PEAK1: variants seen among roughly 807,000 people sequenced by gnomAD.
PEAK1 encodes inactive tyrosine-protein kinase PEAK1.
In PEAK1, 54 loss-of-function variants were observed where a neutral mutation model predicts 124.7. The observed-to-expected ratio is 0.43, with a 90% CI of 0.35 to 0.54. PEAK1 has a LOEUF of 0.54. Among genes scored for constraint, PEAK1 ranks in the 20% least tolerant of loss-of-function variants. The probability of loss-of-function intolerance (pLI) is 0.01; values close to 1 mark genes in which losing one functional copy is unlikely to be tolerated. For missense variants in PEAK1, 2,046 were observed against 2,134.5 expected, an observed-to-expected ratio of 0.96 and a Z score of 0.82; for synonymous variants, 719 against 760.0, an observed-to-expected ratio of 0.95 and a Z score of 0.89.
rs565481924 is a variant in PEAK1, at chr15:77,181,225, C to T, written c.702G>A (p.Glu234=). 5.6e-6 allele frequency: 9 copies of T among 1,613,980 alleles called. No homozygotes were observed. The highest frequency in any genetic ancestry group is 1.1e-5 in the South Asian group (1 of 91,078). Residue 234 remains glutamate, a synonymous_variant, in exon 7 of 10, where the codon GAG becomes GAA. Coordinates refer to ENST00000682557, the MANE Select transcript of PEAK1 (RefSeq NM_001385026.1). Reference sequence around the variant, plus strand: ...TGAAAAGTACATCCTCTTCACTCTCCTCGCCACTGGAAAACTCTGGGTAAC... The same window carrying T: ...TGAAAAGTACATCCTCTTCACTCTCTTCGCCACTGGAAAACTCTGGGTAAC... ...RFCYPEFSSG[E]ESEEDVLFSN...
chr15:77,293,582 G>A (rs1222072843), intron 2 of PEAK1, among the ~76,000 whole-genome samples: 2 of 152,156 alleles, frequency 1.3e-5, no homozygotes, highest in South Asian at 2.1e-4. Context: ...CGCTGGCCAC[G>A]TTAGTCAGTC....
chr15:77,323,894 C>T, intron 2 of PEAK1, among the ~76,000 whole-genome samples: 1 of 152,132 alleles, frequency 6.6e-6, no homozygotes. Flanking sequence ...TACTACAAGG[C>T]TACAGTTACC....
intron 2 of PEAK1, chr15:77,334,473 T>C (rs1351442847): frequency 5.1e-6 from 5 of 985,198 alleles, no homozygotes; most frequent in Non-Finnish European, 6.0e-6. Flanking sequence ...AGAGGAGATT[T>C]AGTCAGATTT....
At chr15:77,317,184 CAA>C (rs1395953367) in intron 2 of PEAK1, among the ~76,000 whole-genome samples, 1 of 152,026 alleles carries the variant, frequency 6.6e-6, no homozygotes, top group Non-Finnish European at 1.5e-5. Flanking sequence ...AAAAATACAA[CAA>C]AGAGTTCAAA....
rs761022918 is a variant in PEAK1 at position 77,179,210 on chromosome 15, T to A, written c.2717A>T (p.Glu906Val). The change falls in exon 7 of 10, where the codon GAA becomes GTA. Residue 906 changes from glutamate (E) to valine (V), a missense_variant. Glu to Val is a moderately radical substitution (Grantham distance 121). Coordinates refer to ENST00000682557, the MANE Select transcript of PEAK1 (RefSeq NM_001385026.1). ...GCTGCCTTCAGAGTGCAAAACTGATTCAGCTTCTGTTGACCTGGTAGGGCT... is the reference window on the plus strand; with the variant it reads ...GCTGCCTTCAGAGTGCAAAACTGATACAGCTTCTGTTGACCTGGTAGGGCT... ...PTSPTRSTEAESVLHSEGSRR... is the reference protein window; with the variant it reads ...PTSPTRSTEAVSVLHSEGSRR... 4 of 1,614,202 alleles carry A rather than the reference T, an allele frequency of 2.5e-6. No individual in the cohort carries two copies. Among genetic ancestry groups the A allele is most frequent in the Admixed American group, 1.7e-5 (1 of 60,006 alleles).
At chr15:77,253,385 T>C (rs908148024) in intron 5 of PEAK1, among the ~76,000 whole-genome samples, 9 of 152,234 alleles carry the variant, frequency 5.9e-5, no homozygotes, top group Non-Finnish European at 1.0e-4. Flanking sequence ...ATGATACCAT[T>C]CAACTTTTGT....
chr15:77,279,336 C>T (rs1466944962), intron 5 of PEAK1, among the ~76,000 whole-genome samples: 2 of 152,106 alleles, frequency 1.3e-5, no homozygotes, highest in Non-Finnish European at 2.9e-5. Flanking sequence ...GCACAAAAGC[C>T]TGTGGGATGG....
intron 5 of PEAK1, among the ~76,000 whole-genome samples, chr15:77,260,118 AG>A (rs1330783962): frequency 6.7e-6 from 1 of 150,192 alleles, no homozygotes; most frequent in East Asian, 1.9e-4. Context: ...CCCTTCCGCA[AG>A]AAGAGAGAAA....
At chr15:77,274,915 C>A (rs748543708) in intron 5 of PEAK1, among the ~76,000 whole-genome samples, 1 of 152,058 alleles carries the variant, frequency 6.6e-6, no homozygotes, top group African/African-American at 2.4e-5. Flanking sequence ...GGAACCAGCC[C>A]AAATATCCAT....
chr15:77,210,618 G>A (rs372785436), intron 6 of PEAK1, among the ~76,000 whole-genome samples: 4 of 152,164 alleles, frequency 2.6e-5, no homozygotes, highest in African/African-American at 9.7e-5. Context: ...AGTGGCTCAC[G>A]CCTGTAATCC....
At chr15:77,368,336 T>C (rs2068401356) in intron 1 of PEAK1, among the ~76,000 whole-genome samples, 1 of 152,000 alleles carries the variant, frequency 6.6e-6, no homozygotes, top group South Asian at 2.1e-4. Flanking sequence ...GCCAACATTA[T>C]GAAACCCCGT....
At chr15:77,395,096 T>C (rs1037473800) in intron 1 of PEAK1, among the ~76,000 whole-genome samples, 1 of 152,200 alleles carries the variant, frequency 6.6e-6, no homozygotes, top group Non-Finnish European at 1.5e-5. Flanking sequence ...TCCTATCAGA[T>C]AAATTTAACT....
At chr15:77,357,551 G>C (rs1373579098) in intron 2 of PEAK1, among the ~76,000 whole-genome samples, 1 of 152,154 alleles carries the variant, frequency 6.6e-6, no homozygotes, top group Non-Finnish European at 1.5e-5. Context: ...TGGAATTACA[G>C]GCATGAGCCA....
At chr15:77,336,454 T>C in intron 2 of PEAK1, 3 of 985,438 alleles carry the variant, frequency 3.0e-6, no homozygotes, top group Non-Finnish European at 3.6e-6. Context: ...TTTTATATTA[T>C]TCACACATAA....
At chr15:77,258,161 T>G (rs2061261002) in intron 5 of PEAK1, among the ~76,000 whole-genome samples, 1 of 152,222 alleles carries the variant, frequency 6.6e-6, no homozygotes, top group African/African-American at 2.4e-5. Flanking sequence ...TCAGGTGGCG[T>G]GATGCCTCCA....
intron 6 of PEAK1, among the ~76,000 whole-genome samples, chr15:77,213,096 C>T (rs912563958): frequency 6.6e-6 from 1 of 152,020 alleles, no homozygotes; most frequent in African/African-American, 2.4e-5. Flanking sequence ...TGTTTGCAGT[C>T]AGAAAAGACT....
chr15:77,360,625 G>A (rs1000958411), intron 2 of PEAK1, among the ~76,000 whole-genome samples: 24 of 152,206 alleles, frequency 1.6e-4, no homozygotes, highest in African/African-American at 5.5e-4. Flanking sequence ...ACAGAGGACT[G>A]ACTCTTCTTT....
chr15:77,386,856 C>A (rs1005113915), intron 1 of PEAK1, among the ~76,000 whole-genome samples: 5 of 152,154 alleles, frequency 3.3e-5, no homozygotes, highest in Non-Finnish European at 7.3e-5. Context: ...AATTGACAGT[C>A]ATGCATAGCT....
chr15:77,309,160 G>C (rs1331557922), intron 2 of PEAK1, among the ~76,000 whole-genome samples: 2 of 152,046 alleles, frequency 1.3e-5, no homozygotes, highest in African/African-American at 4.8e-5. Flanking sequence ...GAACAAGTTT[G>C]TGCCATTACC....
Sources: gnomAD v4.1 joint callset for allele counts (sites outside exome capture counted in the v4.1 genomes callset) on GRCh38, gnomAD v4.1.1 for gene constraint, MANE v1.5 for transcripts, NCBI Gene and HGNC (gene_info 2026-07-23, HGNC 2026-07-21) for gene names.